Variants in PTER observed in about 807,000 individuals in gnomAD.
PTER encodes the protein phosphotriesterase related.
A neutral mutation model predicts 29.6 loss-of-function variants in PTER; 38 were observed. The ratio of observed to expected loss-of-function variants is 1.28; its 90% CI spans 0.99 to 1.68. The LOEUF (loss-of-function observed/expected upper bound fraction) is 1.68. PTER is among the 40% of genes most tolerant of loss of function. The pLI is 0.00. For missense variants in PTER, 482 were observed against 427.8 expected, an observed-to-expected ratio of 1.13 and a Z score of -1.12; for synonymous variants, 172 against 154.5, an observed-to-expected ratio of 1.11 and a Z score of -0.84.
intron 4 of PTER, among the ~76,000 whole-genome samples, chr10:16,510,283 T>C (rs1564413396): frequency 6.6e-6 from 1 of 152,212 alleles, no homozygotes; most frequent in South Asian, 2.1e-4. Flanking sequence ...ATTTCATTTT[T>C]AGAGAATAGT....
At chr10:16,499,535 G>A (rs552848474) in intron 3 of PTER, among the ~76,000 whole-genome samples, 200 of 151,770 alleles carry the variant, frequency 1.3e-3, no homozygotes, top group African/African-American at 4.6e-3. Flanking sequence ...TCAACTTCCC[G>A]GGCTCCAACA....
chr10:16,498,832 C>G (rs915988654), intron 3 of PTER, among the ~76,000 whole-genome samples: 5 of 152,188 alleles, frequency 3.3e-5, no homozygotes, highest in Non-Finnish European at 7.3e-5. Flanking sequence ...TGCATAAATG[C>G]AACTTCAGTA....
At chr10:16,496,601 T>C (rs1836111347) in intron 3 of PTER, among the ~76,000 whole-genome samples, 1 of 152,186 alleles carries the variant, frequency 6.6e-6, no homozygotes, top group East Asian at 1.9e-4. Context: ...CTGTTTGATA[T>C]CTCCTTCTCT....
intron 1 of PTER, among the ~76,000 whole-genome samples, chr10:16,438,023 T>C (rs1380846879): frequency 1.3e-5 from 2 of 152,174 alleles, no homozygotes; most frequent in Non-Finnish European, 2.9e-5. Flanking sequence ...TTTGCTTTTT[T>C]TAAAGACAGA....
At position 16,513,190 on chromosome 10, in the gene PTER, C is replaced by G. The variant is rs1836877749; in HGVS notation, c.*1934C>G. 2.0e-5 allele frequency: 3 copies of G among 152,256 alleles called. No homozygotes were observed. In the South Asian group the frequency reaches 6.2e-4, roughly 32 times the overall value. 9.4% of individuals were successfully genotyped at this position (152,256 alleles called of 1,614,324 possible). ...ACCTGTGAAATAAAGGGCATTTTGA[C>G]CTAATACAATTAATTTTCTGGATAA... On this transcript the variant is annotated 3_prime_UTR_variant, in exon 5 of 5. Transcript: ENST00000535784.
chr10:16,442,178 A>G (rs1412537464), intron 1 of PTER, among the ~76,000 whole-genome samples: 3 of 152,224 alleles, frequency 2.0e-5, no homozygotes, highest in Non-Finnish European at 4.4e-5. Context: ...TGTACCCACA[A>G]AATTTCTTTC....
intron 1 of PTER, among the ~76,000 whole-genome samples, chr10:16,450,601 A>G (rs1834169953): frequency 6.6e-6 from 1 of 152,120 alleles, no homozygotes; most frequent in African/African-American, 2.4e-5. Context: ...CAGATCAGCC[A>G]CTCACATGAT....
intron 3 of PTER, among the ~76,000 whole-genome samples, chr10:16,492,347 T>C (rs1356498868): frequency 6.6e-6 from 1 of 152,220 alleles, no homozygotes; most frequent in African/African-American, 2.4e-5. Flanking sequence ...GAAGGCTTTC[T>C]GCCTTTCAAT....
chr10:16,484,285 G>A (rs1310219278), intron 1 of PTER, 52 bp from the exon 2 acceptor site: 4 of 1,191,330 alleles, frequency 3.4e-6, no homozygotes, highest in East Asian at 2.3e-5. Context: ...AAGAGTTTAT[G>A]TGTGTGTTAA....
At chr10:16,454,392 T>A (rs1834319893) in intron 1 of PTER, among the ~76,000 whole-genome samples, 1 of 152,004 alleles carries the variant, frequency 6.6e-6, no homozygotes, top group African/African-American at 2.4e-5. Flanking sequence ...CTGGGCAACA[T>A]GGCAAAACTC....
chr10:16,480,820 A>G (rs987791856), intron 1 of PTER, among the ~76,000 whole-genome samples: 1 of 152,210 alleles, frequency 6.6e-6, no homozygotes. Flanking sequence ...TGCACACCAA[A>G]TCTTCAACAA....
At chr10:16,473,519 G>GGAAAA (rs1835133325) in intron 1 of PTER, among the ~76,000 whole-genome samples, 1 of 28,156 alleles carries the variant, frequency 3.6e-5, no homozygotes, top group Non-Finnish European at 6.0e-5. Context: ...GACTCCATCC[G>GGAAAA]AAAAAAAAAA....
intron 1 of PTER, among the ~76,000 whole-genome samples, chr10:16,463,138 A>G (rs1834681848): frequency 6.8e-6 from 1 of 147,018 alleles, no homozygotes; most frequent in South Asian, 2.3e-4. Context: ...GGTTGCAGTG[A>G]GCCAAGATTG....
At chr10:16,507,439 A>C (rs1401339557) in intron 4 of PTER, among the ~76,000 whole-genome samples, 1 of 152,144 alleles carries the variant, frequency 6.6e-6, no homozygotes, top group Non-Finnish European at 1.5e-5. Context: ...TGGAAGTAGC[A>C]AAGCTGGAAT....
intron 3 of PTER, among the ~76,000 whole-genome samples, chr10:16,504,005 A>C (rs1213145225): frequency 1.3e-5 from 2 of 152,150 alleles, no homozygotes; most frequent in African/African-American, 4.8e-5. Flanking sequence ...CCTTTCATGC[A>C]ATGTCTAATG....
intron 3 of PTER, among the ~76,000 whole-genome samples, chr10:16,487,586 A>G (rs920461886): frequency 6.6e-6 from 1 of 152,194 alleles, no homozygotes; most frequent in African/African-American, 2.4e-5. Context: ...ATATGGACCT[A>G]TCTTGTTGGG....
intron 1 of PTER, among the ~76,000 whole-genome samples, chr10:16,452,668 C>A (rs28876746): frequency 0.082 from 12,443 of 151,566 alleles, 639 homozygotes; most frequent in East Asian, 0.17. Context: ...GCTGCTGCTG[C>A]TGATGATGAT....
rs779151390 is a variant in PTER, at chr10:16,484,623, T to TA, written c.242dup (p.Glu82GlyfsTer7). 7 of 1,614,068 alleles carry TA rather than the reference T, an allele frequency of 4.3e-6. No homozygotes were observed. The highest frequency in any genetic ancestry group is 2.7e-5 in the African/African-American group (2 of 75,026). On this transcript the variant is annotated frameshift_variant, in exon 2 of 5. Transcript: ENST00000535784. LOFTEE classifies it high-confidence loss of function. The stretch of plus-strand genomic sequence containing the variant: ...CAATTAAATCAGGAGACAGAAGCCA[T>TA]AAAGGAAGAACTGTTGTATTTTAAA...
rs375031637 is a variant in PTER, at chr10:16,463,541, G to A, written c.-48-20796G>A. On this transcript the variant is annotated intron_variant, in intron 1 of 4. Coordinates refer to ENST00000535784, the MANE Select transcript of PTER (RefSeq NM_001261836.2). The stretch of plus-strand genomic sequence containing the variant: ...AGCAATTCTCCTGCCTCAGCCTCCC[G>A]ATTAGCCGGGATTACAGGCGGGTGC... 8.5e-5 allele frequency among the ~76,000 whole-genome samples: 13 copies of A among 152,230 alleles called. No homozygotes were observed. The East Asian group carries it at 1.9e-3, about 23-fold the overall frequency.
Sources: gnomAD v4.1 joint callset for allele counts (sites outside exome capture counted in the v4.1 genomes callset) on GRCh38, gnomAD v4.1.1 for gene constraint, MANE v1.5 for transcripts, NCBI Gene and HGNC (gene_info 2026-07-23, HGNC 2026-07-21) for gene names.